Variants in ARNT observed in about 807,000 individuals in gnomAD.
The protein encoded by ARNT is aryl hydrocarbon receptor nuclear translocator.
A neutral mutation model predicts 105.0 loss-of-function variants in ARNT; 30 were observed. That is an observed-to-expected ratio of 0.29 (90% confidence interval 0.21 to 0.39). The LOEUF (loss-of-function observed/expected upper bound fraction) is 0.39. Among genes scored for constraint, ARNT ranks in the 10% least tolerant of loss-of-function variants. The probability of loss-of-function intolerance (pLI) is 1.00; values close to 1 mark genes in which losing one functional copy is unlikely to be tolerated. For missense variants in ARNT, 748 were observed against 978.7 expected, an observed-to-expected ratio of 0.76 and a Z score of 3.15; for synonymous variants, 304 against 344.0, an observed-to-expected ratio of 0.88 and a Z score of 1.29.
intron 6 of ARNT, among the ~76,000 whole-genome samples, chr1:150,836,704 G>T (rs587607313): frequency 2.2e-4 from 34 of 152,186 alleles, no homozygotes; most frequent in Admixed American, 2.0e-3. Context: ...CTTTCTCTAT[G>T]TCACTATCCA....
intron 1 of ARNT, among the ~76,000 whole-genome samples, chr1:150,866,221 G>T (rs1399933183): frequency 6.6e-6 from 1 of 152,086 alleles, no homozygotes; most frequent in Admixed American, 6.6e-5. Flanking sequence ...GACCTCAGGT[G>T]ATCCACCTGC....
In ARNT at chr1:150,817,376, G is replaced by C; in HGVS notation, c.1563C>G (p.Ser521Arg). 1 of 1,614,156 alleles carries C rather than the reference G, an allele frequency of 6.2e-7. No individual in the cohort carries two copies. The highest frequency in any genetic ancestry group is 8.5e-7 in the Non-Finnish European group (1 of 1,180,022). The change falls in exon 16 of 22, where the codon AGC becomes AGG. Residue 521 changes from serine to arginine, a missense_variant. Physicochemically the swap from Ser to Arg is moderately radical, Grantham distance 110. Transcript: ENST00000358595. ...DMVPGRDGLA[S>R]YNHSQVVQPV... Reference sequence around the variant, plus strand: ...CACAACTCACCTGGGAATGATTGTAGCTGGCCAGTCCATCTCTTCCTGGTA... The same window carrying C: ...CACAACTCACCTGGGAATGATTGTACCTGGCCAGTCCATCTCTTCCTGGTA...
Position 150,816,880 on chromosome 1 carries a change from T to A in ARNT, c.1710A>T (p.Lys570Asn). 6.2e-7 allele frequency: 1 copy of A among 1,605,680 alleles called. No homozygotes were observed. The highest frequency in any genetic ancestry group is 8.5e-7 in the Non-Finnish European group (1 of 1,178,098). ...CAGGGACAGTGCTGGAGGAGATGCC[T>A]TTACTCTGATCTGTGGACCAAAAGG... ...IYHNINADQS[K>N]GISSSTVPAT... is the part of the protein sequence containing the mutation. Residue 570 changes from lysine (K) to asparagine (N), a missense_variant, in exon 18 of 22, where the codon AAA (lysine) becomes AAT (asparagine). This residue lies in a region of ARNT where 360 missense variants were observed against 411.9 expected (regional missense o/e 0.87). Coordinates refer to ENST00000358595, the MANE Select transcript of ARNT (RefSeq NM_001668.4).
At chr1:150,816,098 G>T (rs1655813146) in intron 19 of ARNT, among the ~76,000 whole-genome samples, 161 bp downstream of exon 19, 1 of 152,008 alleles carries the variant, frequency 6.6e-6, no homozygotes, top group African/African-American at 2.4e-5. Context: ...TATTATCTGT[G>T]ATTTTTAATT....
intron 1 of ARNT, among the ~76,000 whole-genome samples, chr1:150,874,018 TAAAAAAAA>T (rs58707975): frequency 4.5e-4 from 29 of 64,420 alleles, no homozygotes; most frequent in African/African-American, 1.8e-3. Context: ...ACAAGAATTG[TAAAAAAAA>T]AAAAAAAAAA....
At chr1:150,830,630 G>A (rs1266184389) in intron 10 of ARNT, among the ~76,000 whole-genome samples, 1 of 152,078 alleles carries the variant, frequency 6.6e-6, no homozygotes, top group Non-Finnish European at 1.5e-5. Context: ...CATGTTATAG[G>A]CAGAAAATTT....
rs748766735 is a variant in ARNT at position 150,812,130 on chromosome 1, A to C, written c.2281-20T>G. On this transcript the variant is annotated intron_variant, in intron 21 of 21. Coordinates refer to ENST00000358595, the MANE Select transcript of ARNT (RefSeq NM_001668.4). Reference sequence around the variant, plus strand: ...CATCTCCTGATAAAAGAAAAAGATTAAGTTTGGGTCACACACCTTGATCTC... The same window carrying C: ...CATCTCCTGATAAAAGAAAAAGATTCAGTTTGGGTCACACACCTTGATCTC... 4 of 1,541,840 alleles carry C rather than the reference A, an allele frequency of 2.6e-6. No homozygotes were observed. In the South Asian group the frequency reaches 5.0e-5, roughly 19 times the overall value.
intron 3 of ARNT, among the ~76,000 whole-genome samples, chr1:150,847,507 T>C (rs587754569): frequency 6.6e-6 from 1 of 151,366 alleles, no homozygotes; most frequent in Non-Finnish European, 1.5e-5. Context: ...CTTGGTAAGA[T>C]AAACTACGAT....
At chr1:150,840,083 A>C (rs962191962) in intron 5 of ARNT, among the ~76,000 whole-genome samples, 1 of 152,126 alleles carries the variant, frequency 6.6e-6, no homozygotes, top group African/African-American at 2.4e-5. Flanking sequence ...TCTACTAAAA[A>C]TACAAAAATT....
intron 1 of ARNT, chr1:150,861,328 G>A (rs184140186): frequency 5.9e-5 from 23 of 387,640 alleles, no homozygotes; most frequent in East Asian, 5.9e-4. Context: ...AGACAACATC[G>A]CAAAAAAAAA....
At chr1:150,845,035 C>T (rs944785340) in intron 4 of ARNT, among the ~76,000 whole-genome samples, 6 of 151,976 alleles carry the variant, frequency 3.9e-5, no homozygotes, top group South Asian at 4.2e-4. Flanking sequence ...GTTTTGAACT[C>T]CTGACCTCAA....
At chr1:150,828,514 C>T (rs968986642) in intron 12 of ARNT, among the ~76,000 whole-genome samples, 1 of 152,112 alleles carries the variant, frequency 6.6e-6, no homozygotes, top group African/African-American at 2.4e-5. Context: ...TACACCAACA[C>T]CACAGTGTCT....
chr1:150,847,330 C>G (rs587645752), intron 3 of ARNT, among the ~76,000 whole-genome samples: 2 of 146,372 alleles, frequency 1.4e-5, no homozygotes, highest in Admixed American at 1.4e-4. Flanking sequence ...ACTTCGGAGG[C>G]TGAGGCAGCA....
rs587768216 is a variant in ARNT at position 150,851,018 on chromosome 1, C to T, written c.182+1744G>A. On this transcript the variant is annotated intron_variant, in intron 3 of 21. Coordinates refer to ENST00000358595, the MANE Select transcript of ARNT (RefSeq NM_001668.4). ...GAGCCCCTCTGCCCGGCAGCCACCCCGTCTGAGAAGTGAGGAGCCCCTCCG... is the reference window on the plus strand; with the variant it reads ...GAGCCCCTCTGCCCGGCAGCCACCCTGTCTGAGAAGTGAGGAGCCCCTCCG... Among the ~76,000 whole-genome samples the T allele has an allele frequency of 2.6e-3, 381 of 148,500 alleles. 1 individual carries two copies. The highest frequency in any genetic ancestry group is 2.7e-3 in the Non-Finnish European group (182 of 67,694).
chr1:150,826,703 G>A, intron 12 of ARNT, 86 bp from the exon 13 acceptor site: 4 of 1,031,954 alleles, frequency 3.9e-6, no homozygotes, highest in Non-Finnish European at 4.4e-6. Context: ...GGAGTACGAT[G>A]GCGCGATCTT....
At chr1:150,864,798 G>T (rs1023352001) in intron 1 of ARNT, among the ~76,000 whole-genome samples, 3 of 121,502 alleles carry the variant, frequency 2.5e-5, no homozygotes, top group African/African-American at 6.0e-5. Context: ...ATAAATAAAA[G>T]AAATATGATA....
At position 150,817,041 on chromosome 1, in the gene ARNT, T is replaced by A. The variant is rs757632903; in HGVS notation, c.1699+41A>T. ...CAGTGGCATGCCCATCAGTAAGTGA[T>A]CTAAATGAGAATTTAAAAGGATAAT... On this transcript the variant is annotated intron_variant, in intron 17 of 21. Coordinates refer to ENST00000358595, the MANE Select transcript of ARNT (RefSeq NM_001668.4). 3.7e-6 allele frequency: 6 copies of A among 1,613,474 alleles called. No individual in the cohort carries two copies. In the East Asian group the frequency reaches 1.3e-4, roughly 36 times the overall value.
intron 1 of ARNT, among the ~76,000 whole-genome samples, chr1:150,861,953 G>C (rs587755583): frequency 5.9e-5 from 9 of 152,218 alleles, no homozygotes; most frequent in African/African-American, 2.2e-4. Context: ...CACATTTAAG[G>C]TAGTCTAGGC....
chr1:150,819,287 A>G (rs1656585916), intron 14 of ARNT, among the ~76,000 whole-genome samples: 1 of 152,070 alleles, frequency 6.6e-6, no homozygotes, highest in South Asian at 2.1e-4. Context: ...GCTCCTGGGA[A>G]TGCAAAATGA....
Sources: allele counts gnomAD v4.1 joint callset (sites outside exome capture counted in the v4.1 genomes callset), GRCh38; gene constraint gnomAD v4.1.1; regional missense constraint gnomAD v4.1.1; transcripts MANE v1.5; gene names NCBI Gene and HGNC (gene_info 2026-07-23, HGNC 2026-07-21).